Variants in ZRANB1 observed in about 807,000 individuals in gnomAD.
The protein encoded by ZRANB1 is zinc finger RANBP2-type containing 1.
A neutral mutation model predicts 80.5 loss-of-function variants in ZRANB1; 16 were observed. The observed-to-expected ratio is 0.20, with a 90% CI of 0.13 to 0.30. The LOEUF is 0.30. ZRANB1 is among the 10% of genes least tolerant of loss of function. ZRANB1 has a pLI of 1.00. For synonymous variants in ZRANB1, 291 were observed against 293.1 expected (o/e 0.99, Z 0.07); for missense variants, 576 against 862.6 (o/e 0.67, Z 4.16).
chr10:124,962,420 C>G (rs1045953779), intron 1 of ZRANB1: 13 of 977,276 alleles, frequency 1.3e-5, no homozygotes, highest in Non-Finnish European at 3.6e-6. Flanking sequence ...TAAGTCCTGG[C>G]TTTTTTTTTA....
At chr10:124,925,886 T>G in the ZRANB1 span, among the ~76,000 whole-genome samples, 1 of 152,354 alleles carries the variant, frequency 6.6e-6, no homozygotes, top group East Asian at 1.9e-4. Context: ...TTTGTCGTTG[T>G]GCGAACATCA....
rs776987689 is a variant in ZRANB1 at position 124,943,190 on chromosome 10, A to C, written c.697A>C (p.Ile233Leu). 1 of 1,614,084 alleles carries C rather than the reference A, an allele frequency of 6.2e-7. No individual in the cohort carries two copies. The highest frequency in any genetic ancestry group is 8.5e-7 in the Non-Finnish European group (1 of 1,180,048). The change falls in exon 1 of 9, where the codon ATT becomes CTT. Residue 233 changes from isoleucine (I) to leucine (L), a missense_variant. This residue lies in a region of ZRANB1 where 411 missense variants were observed against 583.1 expected (regional missense o/e 0.70). Transcript: ENST00000359653. ...TGAAGTGAAAATGGATTTTCAGAGG[A>C]TTGAATTGGCTGGTGCTGTGGGAAG... ...DSEVKMDFQR[I>L]ELAGAVGSKE...
At chr10:124,968,446 G>GT (rs34723374) in intron 2 of ZRANB1, among the ~76,000 whole-genome samples, 12,413 of 152,130 alleles carry the variant, frequency 0.082, 698 homozygotes, top group Admixed American at 0.16. Context: ...TGAAGCCGGG[G>GT]TGGGGGGCTT....
chr10:124,966,889 A>C, intron 2 of ZRANB1, 108 bp downstream of exon 2: 1 of 1,066,236 alleles, frequency 9.4e-7, no homozygotes, highest in Non-Finnish European at 1.3e-6. Flanking sequence ...AAATGTTTTG[A>C]ATTCTTTTAC....
chr10:124,984,780 A>G lies in ZRANB1; in HGVS notation c.1915A>G (p.Asn639Asp). Reference sequence around the variant, plus strand: ...CTTCATATTCCTCCAAAAGCTAGGTAATGAGGAACAGCAAGAAAAACTGCT... The same window carrying G: ...CTTCATATTCCTCCAAAAGCTAGGTGATGAGGAACAGCAAGAAAAACTGCT... The part of the protein sequence containing the change: ...VHFLSAQELG[N>D]EEQQEKLLRE... Residue 639 changes from asparagine (N) to aspartate (D), a missense_variant, in exon 9 of 9, where the codon AAT (asparagine) becomes GAT (aspartate). Coordinates refer to ENST00000359653, the MANE Select transcript of ZRANB1 (RefSeq NM_017580.3). 1 of 1,613,442 alleles carries G rather than the reference A, an allele frequency of 6.2e-7. No individual in the cohort carries two copies. The highest frequency in any genetic ancestry group is 8.5e-7 in the Non-Finnish European group (1 of 1,179,526).
chr10:124,940,201 C>G (rs1271845415), upstream of ZRANB1, among the ~76,000 whole-genome samples: 1 of 152,220 alleles, frequency 6.6e-6, no homozygotes, highest in Middle Eastern at 3.4e-3. Flanking sequence ...CTGACCAGCC[C>G]AGTTGATTAG....
In ZRANB1 at chr10:124,983,239, T is replaced by G; in HGVS notation, c.1613T>G (p.Ile538Arg). ...GCACATATTCTTAGACGACCAATTATAGTTTATGGAGTAAAATATTACAAG... is the reference window on the plus strand; with the variant it reads ...GCACATATTCTTAGACGACCAATTAGAGTTTATGGAGTAAAATATTACAAG... Reference protein sequence around the residue: ...VLAHILRRPIIVYGVKYYKSF... With the variant: ...VLAHILRRPIRVYGVKYYKSF... Residue 538 changes from isoleucine (I) to arginine (R), a missense_variant, in exon 7 of 9, where the codon ATA becomes AGA. Physicochemically the swap from Ile to Arg is moderately conservative, Grantham distance 97. This residue lies in a region of ZRANB1 where 152 missense variants were observed against 221.9 expected (regional missense o/e 0.69). Coordinates refer to ENST00000359653, the MANE Select transcript of ZRANB1 (RefSeq NM_017580.3). The surrounding 1 kb of genome is among the most constrained non-coding windows in gnomAD (Gnocchi z 6.2). The G allele has an allele frequency of 6.2e-7, 1 of 1,614,184 alleles. No homozygotes were observed. Among genetic ancestry groups the G allele is most frequent in the Non-Finnish European group, 8.5e-7 (1 of 1,180,014 alleles).
the ZRANB1 span, among the ~76,000 whole-genome samples, chr10:124,929,775 G>A: frequency 2.6e-5 from 4 of 151,734 alleles, no homozygotes; most frequent in African/African-American, 7.3e-5. Context: ...GTGAAACCCT[G>A]TCTCTATCAA....
intron 1 of ZRANB1, among the ~76,000 whole-genome samples, chr10:124,955,636 G>A (rs533630088): frequency 6.6e-6 from 1 of 152,062 alleles, no homozygotes; most frequent in African/African-American, 2.4e-5. Context: ...GTTCATATAG[G>A]TAATAGAGTT....
chr10:124,943,325 G>C lies in ZRANB1; in HGVS notation c.814+18G>C, dbSNP rs746213739. The C allele has an allele frequency of 6.3e-7, 1 of 1,590,784 alleles. No individual in the cohort carries two copies. Among genetic ancestry groups the C allele is most frequent in the South Asian group, 1.1e-5 (1 of 88,606 alleles). On this transcript the variant is annotated intron_variant, in intron 1 of 8. Coordinates refer to ENST00000359653, the MANE Select transcript of ZRANB1 (RefSeq NM_017580.3). ...TTGTGTGGGTAAGTTTCTGTATTCT[G>C]CATTTTTTGCGTGGGATGGGAAAAG... is the stretch of plus-strand genomic sequence containing the variant.
chr10:124,954,144 T>TTTG (rs1951668075), intron 1 of ZRANB1, among the ~76,000 whole-genome samples: 1 of 135,604 alleles, frequency 7.4e-6, no homozygotes, highest in Non-Finnish European at 1.6e-5. Flanking sequence ...ATTCCTGTTT[T>TTTG]TTTTTTTTTT....
rs1006473918 is a variant in ZRANB1 at position 124,984,635 on chromosome 10, A to G, written c.1909-139A>G. On this transcript the variant is annotated intron_variant, in intron 8 of 8. Coordinates refer to ENST00000359653, the MANE Select transcript of ZRANB1 (RefSeq NM_017580.3). ...GGACTTTAATCACAAAACTTCCAAG[A>G]GGTCAAAACCATGTGAAAAGTTGAT... 2.9e-5 allele frequency: 22 copies of G among 767,502 alleles called. No homozygotes were observed. The East Asian group carries it at 5.8e-4, about 20-fold the overall frequency. 47.5% of individuals were successfully genotyped at this position (767,502 alleles called of 1,614,324 possible). A position where few individuals can be genotyped will look rare whatever the true frequency, so the allele number is the denominator to read the frequency against.
chr10:124,969,278 A>C (rs1426198932), intron 2 of ZRANB1, among the ~76,000 whole-genome samples: 1 of 152,182 alleles, frequency 6.6e-6, no homozygotes, highest in African/African-American at 2.4e-5. Context: ...CGTGTAGAAC[A>C]ACCCTGGAAC....
chr10:124,976,364 C>G (rs546370254), intron 5 of ZRANB1, among the ~76,000 whole-genome samples: 21 of 152,214 alleles, frequency 1.4e-4, no homozygotes, highest in African/African-American at 5.1e-4. Flanking sequence ...ATGGGCCTGT[C>G]TATGTCAAGA....
chr10:124,935,437 C>T, the ZRANB1 span, among the ~76,000 whole-genome samples: 1 of 152,172 alleles, frequency 6.6e-6, no homozygotes, highest in Non-Finnish European at 1.5e-5. Flanking sequence ...GAAATTCAAC[C>T]TCAGTCATCC....
chr10:124,933,548 T>C, the ZRANB1 span, among the ~76,000 whole-genome samples: 1 of 152,236 alleles, frequency 6.6e-6, no homozygotes, highest in East Asian at 1.9e-4. Flanking sequence ...TTGTTCCATT[T>C]CCATACATGT....
At chr10:124,920,263 G>A in the ZRANB1 span, among the ~76,000 whole-genome samples, 1 of 152,142 alleles carries the variant, frequency 6.6e-6, no homozygotes, top group Non-Finnish European at 1.5e-5. Flanking sequence ...ATTGCTGCTT[G>A]CCTCTTCCTT....
At chr10:124,970,951 C>T (rs1227084103) in intron 2 of ZRANB1, among the ~76,000 whole-genome samples, 1 of 148,228 alleles carries the variant, frequency 6.7e-6, no homozygotes, top group Non-Finnish European at 1.5e-5. Flanking sequence ...GATTCTCATG[C>T]CTCAGCCTTC....
intron 2 of ZRANB1, 53 bp downstream of exon 2, chr10:124,966,834 T>A: frequency 6.7e-7 from 1 of 1,483,718 alleles, no homozygotes; most frequent in Non-Finnish European, 9.2e-7. Context: ...AACCTGTTCT[T>A]TAGTTTTCAT....
Sources: allele counts gnomAD v4.1 joint callset (sites outside exome capture counted in the v4.1 genomes callset), GRCh38; gene constraint gnomAD v4.1.1; regional missense constraint gnomAD v4.1.1; non-coding constraint Gnocchi (gnomAD v3.1); transcripts MANE v1.5; gene names NCBI Gene and HGNC (gene_info 2026-07-23, HGNC 2026-07-21).